Variants in ZNF572 observed in about 807,000 individuals in gnomAD.
ZNF572 encodes zinc finger protein 572.
Under a neutral mutation model 3.8 loss-of-function variants are expected in ZNF572, and 2 were observed. That is an observed-to-expected ratio of 0.52 (90% CI 0.21 to 1.65). ZNF572 has a LOEUF of 1.65. ZNF572 is among the 40% of genes most tolerant of loss of function. The pLI is 0.20. For synonymous variants in ZNF572, 187 were observed against 204.5 expected (o/e 0.91, Z 0.73); for missense variants, 581 against 633.4 (o/e 0.92, Z 0.89).
chr8:124,974,389 C>T (rs1235814158), intron 1 of ZNF572, among the ~76,000 whole-genome samples: 1 of 152,140 alleles, frequency 6.6e-6, no homozygotes, highest in African/African-American at 2.4e-5. Flanking sequence ...ACCTTTCAAA[C>T]TCATCCTATA....
intron 1 of ZNF572, among the ~76,000 whole-genome samples, chr8:124,974,681 CTTTTTCT>C (rs552119399): frequency 4.6e-5 from 7 of 151,914 alleles, no homozygotes; most frequent in African/African-American, 1.2e-4. Flanking sequence ...TCTTCTTTTT[CTTTTTCT>C]TTTTTCTTTT....
At chr8:124,973,597 T>C (rs1191396873) in intron 1 of ZNF572, among the ~76,000 whole-genome samples, 181 bp downstream of exon 1, 3 of 152,192 alleles carry the variant, frequency 2.0e-5, no homozygotes, top group Non-Finnish European at 4.4e-5. Flanking sequence ...TACGGGATCT[T>C]GTCGGCCGGA....
In ZNF572 at chr8:124,977,961, C is replaced by G. The variant is rs1177237235; in HGVS notation, c.*103C>G. The G allele has an allele frequency of 3.8e-6, 5 of 1,316,036 alleles. No homozygotes were observed. In the Admixed American group the frequency reaches 1.4e-4, roughly 38 times the overall value. The allele number at this position is 1,316,036 out of a possible 1,614,324, so 81.5% of individuals were successfully genotyped here. A position where few individuals can be genotyped will look rare whatever the true frequency, so the allele number is the denominator to read the frequency against. The stretch of plus-strand genomic sequence containing the variant: ...TATAAAGTTTCTTTGATGTGTTTGT[C>G]AAAACATTTGGAAAAAGTCAACCTC... On this transcript the variant is annotated 3_prime_UTR_variant, in exon 3 of 3. Transcript: ENST00000319286.
chr8:124,979,202 C>G lies in ZNF572; in HGVS notation c.*1344C>G, dbSNP rs1814553548. 1 of 152,534 alleles carries G rather than the reference C, an allele frequency of 6.6e-6. No homozygotes were observed. The allele number at this position is 152,534 out of a possible 1,614,324, so 9.4% of individuals were successfully genotyped here. A position where few individuals can be genotyped will look rare whatever the true frequency, so the allele number is the denominator to read the frequency against. Reference sequence around the variant, plus strand: ...ATTTTATGAATAATATGCAGAGATGCATATTAGGAATGTGAAGCCAGAATG... The same window carrying G: ...ATTTTATGAATAATATGCAGAGATGGATATTAGGAATGTGAAGCCAGAATG... On this transcript the variant is annotated 3_prime_UTR_variant, in exon 3 of 3. Coordinates refer to ENST00000319286, the MANE Select transcript of ZNF572 (RefSeq NM_152412.3).
In ZNF572 at chr8:124,977,942, G is replaced by C; in HGVS notation, c.*84G>C. 7.0e-7 allele frequency: 1 copy of C among 1,422,968 alleles called. No individual in the cohort carries two copies. The highest frequency in any genetic ancestry group is 1.4e-5 in the African/African-American group (1 of 70,068). The allele number at this position is 1,422,968 out of a possible 1,614,324, so 88.1% of individuals were successfully genotyped here. ...TATTCTGTGATTGTTGTGCTATAAA[G>C]TTTCTTTGATGTGTTTGTCAAAACA... On this transcript the variant is annotated 3_prime_UTR_variant, in exon 3 of 3. Transcript: ENST00000319286.
At position 124,977,766 on chromosome 8, in the gene ZNF572, G is replaced by A. The variant is rs7825375; in HGVS notation, c.1498G>A (p.Val500Ile). The A allele has an allele frequency of 6.4e-3, 10,339 of 1,614,134 alleles. 376 individuals carry two copies. In the African/African-American group the frequency reaches 0.097, roughly 15 times the overall value. Residue 500 changes from valine to isoleucine, a missense_variant, in exon 3 of 3, where the codon GTT becomes ATT. Coordinates refer to ENST00000319286, the MANE Select transcript of ZNF572 (RefSeq NM_152412.3). ...HVEKPFESPD[V>I]GDFPHEWTWK... ...AGAAAAGCCTTTTGAGTCTCCCGAC[G>A]TTGGGGATTTTCCTCATGAATGGAC...
At chr8:124,975,449 A>G (rs1375696993) in intron 1 of ZNF572, among the ~76,000 whole-genome samples, 157 bp from the exon 2 acceptor site, 1 of 152,124 alleles carries the variant, frequency 6.6e-6, no homozygotes, top group Admixed American at 6.5e-5. Context: ...CTGAGATAAG[A>G]TTTTCTAAAA....
chr8:124,977,482 C>A lies in ZNF572; in HGVS notation c.1214C>A (p.Thr405Lys), dbSNP rs1218038097. The change falls in exon 3 of 3, where the codon ACA becomes AAA. Residue 405 changes from threonine (T) to lysine (K), a missense_variant. Thr to Lys is a moderately conservative substitution (Grantham distance 78). Transcript: ENST00000319286. ...TCCCATCTCATTAGACATCAGAGAACACATACAGGAGAAAAACCTTACAGA... is the reference window on the plus strand; with the variant it reads ...TCCCATCTCATTAGACATCAGAGAAAACATACAGGAGAAAAACCTTACAGA... The part of the protein sequence containing the change: ...LSSHLIRHQR[T>K]HTGEKPYRCS... 4 of 1,614,144 alleles carry A rather than the reference C, an allele frequency of 2.5e-6. No individual in the cohort carries two copies. Among genetic ancestry groups the A allele is most frequent in the Non-Finnish European group, 3.4e-6 (4 of 1,180,004 alleles).
At position 124,977,892 on chromosome 8, in the gene ZNF572, C is replaced by T. The variant is rs773723821; in HGVS notation, c.*34C>T. 1 of 1,521,450 alleles carries T rather than the reference C, an allele frequency of 6.6e-7. No individual in the cohort carries two copies. 94.2% of individuals were successfully genotyped at this position (1,521,450 alleles called of 1,614,324 possible). A position where few individuals can be genotyped will look rare whatever the true frequency, so the allele number is the denominator to read the frequency against. On this transcript the variant is annotated 3_prime_UTR_variant, in exon 3 of 3. Transcript: ENST00000319286. ...GCCTGGTTGGTGATGGTTTTTTCTT[C>T]CTTGTTGGACCATGACAATTTAGGT... is the stretch of plus-strand genomic sequence containing the variant.
In ZNF572 at chr8:124,977,075, A is replaced by G; in HGVS notation, c.807A>G (p.Glu269=). ...LIEHQRTHTG[E]KPYKCPDCGK... Reference sequence around the variant, plus strand: ...AACATCAGAGGACTCACACTGGAGAAAAACCTTATAAGTGCCCTGATTGTG... The same window carrying G: ...AACATCAGAGGACTCACACTGGAGAGAAACCTTATAAGTGCCCTGATTGTG... The change falls in exon 3 of 3, where the codon GAA becomes GAG. Residue 269 remains glutamate (E), a synonymous_variant. Transcript: ENST00000319286. 2 of 1,610,928 alleles carry G rather than the reference A, an allele frequency of 1.2e-6. No homozygotes were observed. The highest frequency in any genetic ancestry group is 1.7e-6 in the Non-Finnish European group (2 of 1,180,024).
At position 124,977,155 on chromosome 8, in the gene ZNF572, G is replaced by A. The variant is rs751366386; in HGVS notation, c.887G>A (p.Gly296Asp). Residue 296 changes from glycine (G) to aspartate (D), a missense_variant, in exon 3 of 3, where the codon GGT becomes GAT. Gly to Asp is a moderately conservative substitution (Grantham distance 94). Transcript: ENST00000319286. ...ATTCGCCACCAGCGGACACACACAGGTGAGAAGCCCTACAAATGTCTTGAG... is the reference window on the plus strand; with the variant it reads ...ATTCGCCACCAGCGGACACACACAGATGAGAAGCCCTACAAATGTCTTGAG... ...SLIRHQRTHT[G>D]EKPYKCLECE... is the part of the protein sequence containing the mutation. 5 of 1,609,286 alleles carry A rather than the reference G, an allele frequency of 3.1e-6. No homozygotes were observed. The highest frequency in any genetic ancestry group is 4.5e-5 in the East Asian group (2 of 44,884).
intron 2 of ZNF572, 99 bp downstream of exon 2, chr8:124,975,818 T>C: frequency 1.1e-6 from 1 of 911,338 alleles, no homozygotes; most frequent in Non-Finnish European, 1.8e-6. Flanking sequence ...CCTTGTTCTG[T>C]CACTTATAAG....
rs2129829909 is a variant in ZNF572 at position 124,978,537 on chromosome 8, G to C, written c.*679G>C. ...TATTATAGAAGGTTCTTTCATTCAA[G>C]ATCATCATTCTTGACAGACCCATAA... On this transcript the variant is annotated 3_prime_UTR_variant, in exon 3 of 3. Coordinates refer to ENST00000319286, the MANE Select transcript of ZNF572 (RefSeq NM_152412.3). 1 of 152,326 alleles carries C rather than the reference G, an allele frequency of 6.6e-6. No individual in the cohort carries two copies. Among genetic ancestry groups the C allele is most frequent in the Non-Finnish European group, 1.5e-5 (1 of 68,032 alleles). The allele number at this position is 152,326 out of a possible 1,614,324, so 9.4% of individuals were successfully genotyped here. A position where few individuals can be genotyped will look rare whatever the true frequency, so the allele number is the denominator to read the frequency against.
At position 124,977,382 on chromosome 8, in the gene ZNF572, A is replaced by G; in HGVS notation, c.1114A>G (p.Ile372Val). 1 of 1,614,244 alleles carries G rather than the reference A, an allele frequency of 6.2e-7. No individual in the cohort carries two copies. Among genetic ancestry groups the G allele is most frequent in the South Asian group, 1.1e-5 (1 of 91,088 alleles). The change falls in exon 3 of 3, where the codon ATA (isoleucine) becomes GTA (valine). Residue 372 changes from isoleucine to valine, a missense_variant. Ile to Val is a conservative substitution (Grantham distance 29). Transcript: ENST00000319286. ...EESLGQNCNV[I>V]EECRIQLGEK... Reference sequence around the variant, plus strand: ...AAGTTTGGGTCAGAACTGCAATGTGATAGAAGAATGCAGAATCCAGTTAGG... The same window carrying G: ...AAGTTTGGGTCAGAACTGCAATGTGGTAGAAGAATGCAGAATCCAGTTAGG...
rs1588104961 is a variant in ZNF572, at chr8:124,976,729, A to C, written c.461A>C (p.His154Pro). The change falls in exon 3 of 3, where the codon CAC becomes CCC. Residue 154 changes from histidine (H) to proline (P), a missense_variant. Physicochemically the swap from His to Pro is moderately conservative, Grantham distance 77. Transcript: ENST00000319286. ...SSHLRTHQRT[H>P]SGEKPYKCSE... is the part of the protein sequence containing the mutation. ...CATTTGCGTACTCACCAGAGGACCCACTCAGGAGAAAAGCCTTATAAATGC... is the reference window on the plus strand; with the variant it reads ...CATTTGCGTACTCACCAGAGGACCCCCTCAGGAGAAAAGCCTTATAAATGC... The C allele has an allele frequency of 6.2e-7, 1 of 1,614,240 alleles. No individual in the cohort carries two copies. Among genetic ancestry groups the C allele is most frequent in the South Asian group, 1.1e-5 (1 of 91,086 alleles).
chr8:124,974,627 C>T lies in ZNF572; in HGVS notation c.-35-979C>T, dbSNP rs77077991. On this transcript the variant is annotated intron_variant, in intron 1 of 2. Transcript: ENST00000319286. ...TACTCTTTATATTCTGAAATGGATG[C>T]CAAAAGTCCATATGTCACTGCCTTC... Among the ~76,000 whole-genome samples the T allele has an allele frequency of 4.4e-3, 666 of 152,258 alleles. 4 individuals carry two copies. The highest frequency in any genetic ancestry group is 0.015 in the African/African-American group (642 of 41,536).
chr8:124,976,442 T>C lies in ZNF572; in HGVS notation c.174T>C (p.His58=), dbSNP rs776397491. 7 of 1,614,150 alleles carry C rather than the reference T, an allele frequency of 4.3e-6. No homozygotes were observed. Among genetic ancestry groups the C allele is most frequent in the Admixed American group, 1.7e-5 (1 of 60,012 alleles). The change falls in exon 3 of 3, where the codon CAT becomes CAC. Residue 58 remains histidine (H), a synonymous_variant. Transcript: ENST00000319286. ...AACCTTCAGAATGGTCTAAAAGACATAGACCACAACATTATAAGCATGAGG... is the reference window on the plus strand; with the variant it reads ...AACCTTCAGAATGGTCTAAAAGACACAGACCACAACATTATAAGCATGAGG... ...KEKPSEWSKR[H]RPQHYKHEDA...
At chr8:124,975,790 A>G (rs1814499113) in intron 2 of ZNF572, 71 bp downstream of exon 2, 10 of 1,188,942 alleles carry the variant, frequency 8.4e-6, no homozygotes, top group African/African-American at 1.5e-5. Context: ...CTAGAATGAG[A>G]CAAACCTTAA....
In ZNF572 at chr8:124,975,748, C is replaced by G. The variant is rs116179294; in HGVS notation, c.79+29C>G. The G allele has an allele frequency of 9.6e-4, 1,513 of 1,579,638 alleles. 17 individuals are homozygous for G. In the African/African-American group the frequency reaches 0.018, roughly 19 times the overall value. On this transcript the variant is annotated intron_variant, in intron 2 of 2. Transcript: ENST00000319286. ...AGGGATCAAGACGATGATCTGAATC[C>G]TTAGGAAATTTGATGTAGAAAGAAC...
Sources: gnomAD v4.1 joint callset for allele counts (sites outside exome capture counted in the v4.1 genomes callset) on GRCh38, gnomAD v4.1.1 for gene constraint, MANE v1.5 for transcripts, NCBI Gene and HGNC (gene_info 2026-07-23, HGNC 2026-07-21) for gene names.